PCDH9: variants seen among roughly 807,000 people sequenced by gnomAD.
The protein encoded by PCDH9 is protocadherin 9.
Under a neutral mutation model 70.6 loss-of-function variants are expected in PCDH9, and 24 were observed. The ratio of observed to expected loss-of-function variants is 0.34; its 90% CI spans 0.25 to 0.48. The LOEUF (loss-of-function observed/expected upper bound fraction) is 0.48, where lower values mean the gene tolerates loss of function less well. Ranked by LOEUF, PCDH9 falls within the 20% of genes least tolerant of loss-of-function variation. The pLI, the probability that PCDH9 is intolerant of heterozygous loss-of-function variation, is 0.99. For synonymous variants in PCDH9, 562 were observed against 558.5 expected (o/e 1.01, Z -0.09); for missense variants, 1,281 against 1,503.6 (o/e 0.85, Z 2.45).
chr13:66,983,715 T>C (rs940175254), intron 2 of PCDH9, among the ~76,000 whole-genome samples: 5 of 152,206 alleles, frequency 3.3e-5, no homozygotes, highest in Non-Finnish European at 7.4e-5. Flanking sequence ...CAGGGCTACA[T>C]GTGTAGGTTT....
At chr13:66,473,746 T>C (rs1315044051) in intron 4 of PCDH9, among the ~76,000 whole-genome samples, 1 of 152,176 alleles carries the variant, frequency 6.6e-6, no homozygotes, top group East Asian at 1.9e-4. Flanking sequence ...AATATCTTTA[T>C]TGAAATATAG....
At chr13:66,795,866 T>C (rs1299083253) in intron 3 of PCDH9, among the ~76,000 whole-genome samples, 1 of 152,146 alleles carries the variant, frequency 6.6e-6, no homozygotes, top group Non-Finnish European at 1.5e-5. Flanking sequence ...CTGAATCCTT[T>C]TGCTTTCCCC....
At chr13:66,347,253 G>C (rs956004470) in intron 4 of PCDH9, among the ~76,000 whole-genome samples, 1 of 152,122 alleles carries the variant, frequency 6.6e-6, no homozygotes, top group African/African-American at 2.4e-5. Context: ...TACGCAAATA[G>C]AATGCACTAG....
chr13:66,632,224 C>A (rs1482595389), intron 3 of PCDH9, among the ~76,000 whole-genome samples: 1 of 152,130 alleles, frequency 6.6e-6, no homozygotes, highest in Non-Finnish European at 1.5e-5. Flanking sequence ...ACACCGTACC[C>A]ATGTAAGTGT....
intron 2 of PCDH9, among the ~76,000 whole-genome samples, chr13:67,025,155 A>C (rs868018190): frequency 6.6e-6 from 1 of 152,156 alleles, no homozygotes; most frequent in African/African-American, 2.4e-5. Context: ...ACTAGGGAAG[A>C]AGAAGAAATT....
At chr13:67,122,710 G>A (rs1463357464) in intron 2 of PCDH9, among the ~76,000 whole-genome samples, 2 of 151,526 alleles carry the variant, frequency 1.3e-5, no homozygotes, top group Non-Finnish European at 2.9e-5. Context: ...GGAGGCAGAG[G>A]TTGCAGGGAG....
At chr13:66,602,293 G>GGCCC (rs2077173616) in intron 4 of PCDH9, among the ~76,000 whole-genome samples, 1 of 146,462 alleles carries the variant, frequency 6.8e-6, no homozygotes, top group South Asian at 2.2e-4. Context: ...GGCTGCATGT[G>GGCCC]GCCCACAGGC....
intron 2 of PCDH9, among the ~76,000 whole-genome samples, chr13:67,080,939 A>G (rs1210223209): frequency 2.0e-5 from 3 of 152,212 alleles, no homozygotes; most frequent in Non-Finnish European, 2.9e-5. Context: ...GTCAAACCCA[A>G]TGGAATAACT....
intron 4 of PCDH9, among the ~76,000 whole-genome samples, chr13:66,368,958 G>A (rs1024935347): frequency 5.9e-5 from 9 of 152,114 alleles, no homozygotes; most frequent in South Asian, 2.1e-4. Flanking sequence ...CCCCCACACC[G>A]GGTTCCTCCT....
chr13:66,700,263 C>T (rs1280217926), intron 3 of PCDH9, among the ~76,000 whole-genome samples: 1 of 152,090 alleles, frequency 6.6e-6, no homozygotes, highest in Admixed American at 6.6e-5. Context: ...AGTCTGCTCT[C>T]GAGATCTGAC....
chr13:66,341,278 G>C (rs1336358453), intron 4 of PCDH9, among the ~76,000 whole-genome samples: 2 of 152,004 alleles, frequency 1.3e-5, no homozygotes, highest in South Asian at 4.2e-4. Context: ...TTTTTTTGTA[G>C]AGACCAGGTC....
At chr13:67,145,552 C>T (rs1328643581) in intron 2 of PCDH9, among the ~76,000 whole-genome samples, 3 of 151,868 alleles carry the variant, frequency 2.0e-5, no homozygotes, top group African/African-American at 7.2e-5. Context: ...TTATAATCCA[C>T]ATTATAGTTT....
chr13:67,156,364 G>C (rs1473276816), intron 2 of PCDH9, among the ~76,000 whole-genome samples: 2 of 152,060 alleles, frequency 1.3e-5, no homozygotes, highest in Admixed American at 1.3e-4. Context: ...AGCGAGAGAG[G>C]AGCACATCAA....
intron 4 of PCDH9, among the ~76,000 whole-genome samples, chr13:66,437,216 G>C (rs1957884116): frequency 6.6e-6 from 1 of 151,550 alleles, no homozygotes; most frequent in South Asian, 2.1e-4. Flanking sequence ...AACCATCCTG[G>C]CTAACACGGT....
intron 2 of PCDH9, among the ~76,000 whole-genome samples, chr13:67,097,152 G>A (rs1014948915): frequency 2.0e-4 from 30 of 152,024 alleles, no homozygotes; most frequent in African/African-American, 7.0e-4. Flanking sequence ...CTACTTGGGA[G>A]GCTGAAGTGG....
rs1960652033 is a variant in PCDH9 at position 66,535,343 on chromosome 13, T to G, written c.3340+95867A>C. Among the ~76,000 whole-genome samples the G allele has an allele frequency of 2.0e-5, 3 of 152,118 alleles. No homozygotes were observed. In the South Asian group the frequency reaches 6.3e-4, roughly 32 times the overall value. ...TTCTCTTTTAACCAATATGAAATTTTTTAAAAAAAGAAACAGAGTATCACT... is the reference window on the plus strand; with the variant it reads ...TTCTCTTTTAACCAATATGAAATTTGTTAAAAAAAGAAACAGAGTATCACT... On this transcript the variant is annotated intron_variant, in intron 4 of 4. Transcript: ENST00000377865.
At chr13:67,223,403 T>A (rs1249329333) in intron 2 of PCDH9, 1 of 152,172 alleles carries the variant, frequency 6.6e-6, no homozygotes, top group South Asian at 2.1e-4. Context: ...TGGAAGTATA[T>A]CAGTACATTT....
At chr13:66,718,685 C>A (rs1016454145) in intron 3 of PCDH9, among the ~76,000 whole-genome samples, 1 of 152,146 alleles carries the variant, frequency 6.6e-6, no homozygotes, top group Non-Finnish European at 1.5e-5. Flanking sequence ...TTCGAGGGAA[C>A]AACCAAAATG....
intron 4 of PCDH9, among the ~76,000 whole-genome samples, chr13:66,558,759 G>A (rs959893806): frequency 6.6e-6 from 1 of 152,004 alleles, no homozygotes; most frequent in Non-Finnish European, 1.5e-5. Context: ...GTTCCCTTCA[G>A]ACCACTCTGG....
Sources: allele counts gnomAD v4.1 joint callset (sites outside exome capture counted in the v4.1 genomes callset), GRCh38; gene constraint gnomAD v4.1.1; transcripts MANE v1.5; gene names NCBI Gene and HGNC (gene_info 2026-07-23, HGNC 2026-07-21).